TLN2: variants seen among roughly 807,000 people sequenced by gnomAD.
The protein encoded by TLN2 is talin-2.
A neutral mutation model predicts 294.7 loss-of-function variants in TLN2; 118 were observed. That is an observed-to-expected ratio of 0.40 (90% CI 0.34 to 0.47). The LOEUF is 0.47. TLN2 is among the 20% of genes least tolerant of loss of function. The probability of loss-of-function intolerance (pLI) is 0.84; values close to 1 mark genes in which losing one functional copy is unlikely to be tolerated. For missense variants in TLN2, 3,083 were observed against 3,282.2 expected (o/e 0.94, Z 1.48); for synonymous variants, 1,431 against 1,304.5 (o/e 1.10, Z -2.09).
chr15:62,469,143 GAA>G (rs776517734), intron 1 of TLN2, among the ~76,000 whole-genome samples: 3 of 152,148 alleles, frequency 2.0e-5, no homozygotes, highest in Admixed American at 2.0e-4. Context: ...ATTTGTGTTG[GAA>G]AAAAGATTCC....
chr15:62,435,791 C>T (rs553684036), intron 1 of TLN2, among the ~76,000 whole-genome samples: 86 of 152,286 alleles, frequency 5.6e-4, no homozygotes, highest in African/African-American at 2.0e-3. Context: ...ATCCACCCTC[C>T]TTGGCCTCCC....
At chr15:62,644,358 C>T (rs751911871) in intron 3 of TLN2, among the ~76,000 whole-genome samples, 2 of 152,080 alleles carry the variant, frequency 1.3e-5, no homozygotes, top group African/African-American at 4.8e-5. Flanking sequence ...AATTTTTTCT[C>T]GTCTGCCAAT....
chr15:62,797,901 A>G (rs1281251645), intron 48 of TLN2, among the ~76,000 whole-genome samples: 1 of 152,096 alleles, frequency 6.6e-6, no homozygotes, highest in Non-Finnish European at 1.5e-5. Flanking sequence ...ACACGAGAGG[A>G]AAAGCCAGGG....
chr15:62,624,320 T>C (rs563050972), intron 3 of TLN2, among the ~76,000 whole-genome samples: 1 of 152,230 alleles, frequency 6.6e-6, no homozygotes, highest in Non-Finnish European at 1.5e-5. Context: ...TTAAAAGTTA[T>C]GTATTACTGC....
intron 1 of TLN2, among the ~76,000 whole-genome samples, chr15:62,479,435 A>G (rs944658345): frequency 3.9e-5 from 6 of 152,016 alleles, no homozygotes; most frequent in African/African-American, 1.5e-4. Flanking sequence ...GATCCCCTCT[A>G]ATCAAGCACT....
intron 3 of TLN2, among the ~76,000 whole-genome samples, chr15:62,645,776 T>G (rs1395325423): frequency 6.6e-6 from 1 of 151,976 alleles, no homozygotes; most frequent in African/African-American, 2.4e-5. Context: ...AGAAAGAGAG[T>G]GAGCTTGAAA....
At chr15:62,609,524 C>T (rs1191805976) in intron 2 of TLN2, among the ~76,000 whole-genome samples, 1 of 152,210 alleles carries the variant, frequency 6.6e-6, no homozygotes, top group East Asian at 1.9e-4. Context: ...ATAACCTTGA[C>T]CCTCTTGAAG....
At chr15:62,588,644 CATATATATATACATTTTTTTCAT>C (rs2140726392) in intron 1 of TLN2, among the ~76,000 whole-genome samples, 1 of 109,724 alleles carries the variant, frequency 9.1e-6, no homozygotes, top group African/African-American at 3.2e-5. Context: ...AAAAAAAATA[CATATATATATACATTTTTTTCAT>C]ATATATATAT....
At chr15:62,682,511 G>A (rs543455296) in intron 11 of TLN2, among the ~76,000 whole-genome samples, 108 of 152,168 alleles carry the variant, frequency 7.1e-4, no homozygotes, top group Admixed American at 3.9e-4. Context: ...TTTGGATCCC[G>A]GCTTTGCCAC....
At chr15:62,824,810 A>AG (rs2067896183) in intron 54 of TLN2, among the ~76,000 whole-genome samples, 1 of 152,206 alleles carries the variant, frequency 6.6e-6, no homozygotes, top group African/African-American at 2.4e-5. Flanking sequence ...CTTATAGAAA[A>AG]GCCTGTGAAG....
At chr15:62,520,926 G>A (rs1192230717) in intron 1 of TLN2, among the ~76,000 whole-genome samples, 2 of 152,126 alleles carry the variant, frequency 1.3e-5, no homozygotes, top group Non-Finnish European at 2.9e-5. Context: ...TACATACTTA[G>A]TCCTTGCCAG....
intron 1 of TLN2, among the ~76,000 whole-genome samples, chr15:62,525,650 G>C (rs2040694048): frequency 6.6e-6 from 1 of 152,222 alleles, no homozygotes; most frequent in Non-Finnish European, 1.5e-5. Flanking sequence ...CCTCCACTTT[G>C]TTCCCTTTTA....
intron 51 of TLN2, among the ~76,000 whole-genome samples, chr15:62,807,632 C>G (rs2066381992): frequency 6.6e-6 from 1 of 152,166 alleles, no homozygotes; most frequent in Admixed American, 6.5e-5. Flanking sequence ...ATGTTTAAGT[C>G]TCTCCTAACG....
rs116085949 is a variant in TLN2, at chr15:62,580,153, C to T, written c.-237-9534C>T. Among the ~76,000 whole-genome samples, 407 of 152,324 alleles carry T rather than the reference C, an allele frequency of 2.7e-3. 2 individuals carry two copies. Among genetic ancestry groups the T allele is most frequent in the African/African-American group, 9.1e-3 (377 of 41,576 alleles). Reference sequence around the variant, plus strand: ...CATCTGCAGCACCACACCTCTTTCTCTCTGTATTTTAAAAAATATTTTGTT... The same window carrying T: ...CATCTGCAGCACCACACCTCTTTCTTTCTGTATTTTAAAAAATATTTTGTT... On this transcript the variant is annotated intron_variant, in intron 1 of 58. Transcript: ENST00000636159.
At chr15:62,573,262 G>C (rs975682880) in intron 1 of TLN2, among the ~76,000 whole-genome samples, 3 of 152,050 alleles carry the variant, frequency 2.0e-5, no homozygotes, top group East Asian at 3.9e-4. Context: ...CACTCTGGCA[G>C]CCACCCCTGT....
chr15:62,798,292 TC>T (rs2065669276), intron 48 of TLN2, among the ~76,000 whole-genome samples: 1 of 152,126 alleles, frequency 6.6e-6, no homozygotes. Context: ...TTCTGTGACT[TC>T]CGCTTCTGAT....
intron 1 of TLN2, among the ~76,000 whole-genome samples, chr15:62,470,980 TC>T (rs2037438618): frequency 6.6e-6 from 1 of 152,218 alleles, no homozygotes; most frequent in Non-Finnish European, 1.5e-5. Context: ...ATGAAGAAGC[TC>T]TTGAATATCT....
chr15:62,648,404 CAAAAA>C (rs66528062), intron 4 of TLN2, among the ~76,000 whole-genome samples: 4 of 61,874 alleles, frequency 6.5e-5, no homozygotes, highest in Non-Finnish European at 1.1e-4. Context: ...GACCCTGACT[CAAAAA>C]AAAAAAAAAA....
At chr15:62,565,269 A>C (rs2043301085) in intron 1 of TLN2, among the ~76,000 whole-genome samples, 1 of 152,200 alleles carries the variant, frequency 6.6e-6, no homozygotes, top group Non-Finnish European at 1.5e-5. Flanking sequence ...GGTACAGTAA[A>C]ATTTCATTAG....
Sources: gnomAD v4.1 joint callset for allele counts (sites outside exome capture counted in the v4.1 genomes callset) on GRCh38, gnomAD v4.1.1 for gene constraint, MANE v1.5 for transcripts, NCBI Gene and HGNC (gene_info 2026-07-23, HGNC 2026-07-21) for gene names.